Variants in LAMA1 observed in about 807,000 individuals in gnomAD.
LAMA1 encodes the protein laminin subunit alpha-1.
Under a neutral mutation model 348.7 loss-of-function variants are expected in LAMA1, and 219 were observed. That is an observed-to-expected ratio of 0.63 (90% CI 0.56 to 0.70). The LOEUF (loss-of-function observed/expected upper bound fraction) is 0.70. Ranked by LOEUF, LAMA1 falls within the 30% of genes least tolerant of loss-of-function variation. LAMA1 has a pLI of 0.00. For synonymous variants in LAMA1, 1,487 were observed against 1,491.0 expected (o/e 1.00, Z 0.06); for missense variants, 3,744 against 3,888.0 (o/e 0.96, Z 0.99).
At chr18:7,033,716 C>T (rs766097402) in intron 14 of LAMA1, among the ~76,000 whole-genome samples, 6 of 150,456 alleles carry the variant, frequency 4.0e-5, no homozygotes, top group Non-Finnish European at 5.9e-5. Context: ...ATGTGTCATG[C>T]TATGTTTGTG....
rs16950981 is a variant in LAMA1 at position 6,992,684 on chromosome 18, T to A, written c.5045A>T (p.Asp1682Val). 22,643 of 1,613,162 alleles carry A rather than the reference T, an allele frequency of 0.014. 251 individuals carry two copies. The highest frequency in any genetic ancestry group is 0.044 in the African/African-American group (3,333 of 75,014). ...MEKTTLNQTLDEDFLLPNSTL... is the reference protein window; with the variant it reads ...MEKTTLNQTLVEDFLLPNSTL... The stretch of plus-strand genomic sequence containing the variant: ...AGAATTGGGTAGTAGGAAATCTTCA[T>A]CCAAAGTCTGATTTAAAGTTGTCTT... The change falls in exon 36 of 63, where the codon GAT becomes GTT. Residue 1682 changes from aspartate to valine, a missense_variant. Physicochemically the swap from Asp to Val is radical, Grantham distance 152. Around this residue, in one of 3 missense-constraint regions of LAMA1, gnomAD observed 1,983 missense variants for 1,934.3 expected, o/e 1.03. Coordinates refer to ENST00000389658, the MANE Select transcript of LAMA1 (RefSeq NM_005559.4).
chr18:7,037,700 T>G lies in LAMA1; in HGVS notation c.1615A>C (p.Ile539Leu). Residue 539 changes from isoleucine (I) to leucine (L), a missense_variant, in exon 12 of 63, where the codon ATC becomes CTC. Physicochemically the swap from Ile to Leu is conservative, Grantham distance 5 (BLOSUM62 2). Coordinates refer to ENST00000389658, the MANE Select transcript of LAMA1 (RefSeq NM_005559.4). Reference protein sequence around the residue: ...LVTDLISPRKIPSQQDALGGR... With the variant: ...LVTDLISPRKLPSQQDALGGR... ...CCTAGTGCATCTTGCTGAGACGGGATCTTCCTGGGACTGATCAAGTCGGTG... is the reference window on the plus strand; with the variant it reads ...CCTAGTGCATCTTGCTGAGACGGGAGCTTCCTGGGACTGATCAAGTCGGTG... 1 of 1,614,202 alleles carries G rather than the reference T, an allele frequency of 6.2e-7. No homozygotes were observed.
intron 36 of LAMA1, among the ~76,000 whole-genome samples, chr18:6,987,365 C>T (rs770438938): frequency 1.6e-4 from 24 of 152,008 alleles, no homozygotes; most frequent in African/African-American, 2.7e-4. Flanking sequence ...TTTATATATA[C>T]GATAAAAGGA....
At chr18:7,081,604 C>G (rs2058193738) in intron 1 of LAMA1, among the ~76,000 whole-genome samples, 1 of 152,186 alleles carries the variant, frequency 6.6e-6, no homozygotes, top group South Asian at 2.1e-4. Context: ...ATTCAGGAAA[C>G]AATTTCTGGG....
At chr18:6,945,201 A>G (rs2057516388) in intron 61 of LAMA1, among the ~76,000 whole-genome samples, 1 of 152,174 alleles carries the variant, frequency 6.6e-6, no homozygotes, top group African/African-American at 2.4e-5. Flanking sequence ...GGCCCTGGTA[A>G]CATTTTTTAG....
At chr18:6,951,719 G>T (rs1291895569) in intron 57 of LAMA1, among the ~76,000 whole-genome samples, 2 of 152,186 alleles carry the variant, frequency 1.3e-5, no homozygotes, top group Non-Finnish European at 2.9e-5. Flanking sequence ...GAGGGAGTCG[G>T]GTGGCTTAGA....
chr18:7,047,795 T>A (rs2058047835), intron 5 of LAMA1, among the ~76,000 whole-genome samples: 1 of 151,820 alleles, frequency 6.6e-6, no homozygotes, highest in Admixed American at 6.6e-5. Context: ...TCTCAACAAA[T>A]GGTGCTAGAA....
At chr18:7,057,790 C>A (rs2058087989) in intron 3 of LAMA1, among the ~76,000 whole-genome samples, 1 of 139,366 alleles carries the variant, frequency 7.2e-6, no homozygotes, top group South Asian at 2.2e-4. Context: ...AAAATTCTTT[C>A]TTTCTTTCTT....
At chr18:7,059,853 T>A (rs9965008) in intron 3 of LAMA1, among the ~76,000 whole-genome samples, 3,677 of 152,352 alleles carry the variant, frequency 0.024, 123 homozygotes, top group African/African-American at 0.078. Flanking sequence ...GATGAACAGT[T>A]AAGTGCATTT....
rs971638969 is a variant in LAMA1, at chr18:6,986,145, C to T, written c.5371G>A (p.Glu1791Lys). ...GAGCAAGTGAGACTCACACTGAATT[C>T]TCTCAGATTAGCATTGACCATGAGC... is the stretch of plus-strand genomic sequence containing the variant. The part of the protein sequence containing the change: ...LLLMVNANLR[E>K]FSDKKLHVQE... The change falls in exon 37 of 63, where the codon GAA becomes AAA. Residue 1791 changes from glutamate (E) to lysine (K), a missense_variant. Around this residue, in one of 3 missense-constraint regions of LAMA1, gnomAD observed 1,983 missense variants for 1,934.3 expected, o/e 1.03. Coordinates refer to ENST00000389658, the MANE Select transcript of LAMA1 (RefSeq NM_005559.4). The T allele has an allele frequency of 6.2e-7, 1 of 1,614,110 alleles. No homozygotes were observed. Among genetic ancestry groups the T allele is most frequent in the Admixed American group, 1.7e-5 (1 of 60,008 alleles).
At chr18:7,001,229 T>C (rs1295639996) in intron 30 of LAMA1, among the ~76,000 whole-genome samples, 1 of 152,230 alleles carries the variant, frequency 6.6e-6, no homozygotes, top group African/African-American at 2.4e-5. Context: ...ATATACCTTA[T>C]TCTTTTCTCC....
chr18:6,979,447 C>T (rs149511736), intron 42 of LAMA1, among the ~76,000 whole-genome samples: 28 of 152,268 alleles, frequency 1.8e-4, no homozygotes, highest in East Asian at 1.4e-3. Flanking sequence ...GCAAGAGGGT[C>T]GCTTGAGGCC....
intron 48 of LAMA1, among the ~76,000 whole-genome samples, chr18:6,969,069 G>A (rs1016724562): frequency 3.3e-5 from 5 of 152,142 alleles, no homozygotes; most frequent in East Asian, 1.9e-4. Flanking sequence ...ACAAACAGAC[G>A]TAAAGTGCCA....
Position 7,042,135 on chromosome 18 carries a change from A to G in LAMA1, c.1261+10T>C. ...TCAATTACAAGCACAAAAGTGAATC[A>G]AGTACTTACCATTGTGTAAGTCAGA... On this transcript the variant is annotated intron_variant, in intron 9 of 62. Transcript: ENST00000389658. The G allele has an allele frequency of 6.4e-7, 1 of 1,566,774 alleles. No homozygotes were observed. The highest frequency in any genetic ancestry group is 8.8e-7 in the Non-Finnish European group (1 of 1,139,452).
At chr18:7,041,532 C>T (rs1286310671) in intron 9 of LAMA1, among the ~76,000 whole-genome samples, 4 of 152,122 alleles carry the variant, frequency 2.6e-5, no homozygotes, top group African/African-American at 9.7e-5. Context: ...TTGATGGGGT[C>T]ACAAGAGTCT....
rs1262278956 is a variant in LAMA1, at chr18:6,948,544, T to C, written c.8569A>G (p.Ile2857Val). 1.2e-6 allele frequency: 2 copies of C among 1,614,200 alleles called. No individual in the cohort carries two copies. Among genetic ancestry groups the C allele is most frequent in the African/African-American group, 1.3e-5 (1 of 75,054 alleles). Residue 2857 changes from isoleucine (I) to valine (V), a missense_variant, in exon 60 of 63, where the codon ATC (isoleucine) becomes GTC (valine). Physicochemically the swap from Ile to Val is conservative, Grantham distance 29. Transcript: ENST00000389658. ...ARKIGNITHS[I>V]PACIGDVTVN... Reference sequence around the variant, plus strand: ...GTCACATCCCCAATGCAGGCAGGGATGCTGTGGGTGATCTAAGCCAAATGA... The same window carrying C: ...GTCACATCCCCAATGCAGGCAGGGACGCTGTGGGTGATCTAAGCCAAATGA...
intron 19 of LAMA1, among the ~76,000 whole-genome samples, chr18:7,018,626 A>C (rs535570430): frequency 6.6e-6 from 1 of 151,928 alleles, no homozygotes; most frequent in African/African-American, 2.4e-5. Flanking sequence ...CGATCTCCTG[A>C]CCTTGTGATC....
At chr18:7,078,967 C>T in intron 3 of LAMA1, among the ~76,000 whole-genome samples, 1 of 151,800 alleles carries the variant, frequency 6.6e-6, no homozygotes, top group Non-Finnish European at 1.5e-5. Context: ...AGCCTGACGA[C>T]AGAGTGAGAC....
chr18:6,944,804 C>G (rs1479545838), intron 61 of LAMA1, among the ~76,000 whole-genome samples: 1 of 151,966 alleles, frequency 6.6e-6, no homozygotes, highest in Non-Finnish European at 1.5e-5. Flanking sequence ...CCCAAGCAGA[C>G]TAAGACAGGA....
Sources: gnomAD v4.1 joint callset for allele counts (sites outside exome capture counted in the v4.1 genomes callset) on GRCh38, gnomAD v4.1.1 for gene constraint, gnomAD v4.1.1 regional missense constraint, MANE v1.5 for transcripts, NCBI Gene and HGNC (gene_info 2026-07-23, HGNC 2026-07-21) for gene names.